The following PRTFDC1 variants were observed in gnomAD, a reference collection of about 807,000 sequenced individuals.
PRTFDC1 encodes phosphoribosyl transferase domain containing 1, also known as phosphoribosyltransferase domain-containing protein 1.
PRTFDC1 carries 38 observed loss-of-function variants against 34.6 expected under a neutral mutation model. The ratio of observed to expected loss-of-function variants is 1.10; its 90% confidence interval spans 0.85 to 1.44. The LOEUF (loss-of-function observed/expected upper bound fraction) is 1.44, where lower values mean the gene tolerates loss of function less well. PRTFDC1 is among the 40% of genes most tolerant of loss of function. The probability of loss-of-function intolerance (pLI) is 0.00; values close to 1 mark genes in which losing one functional copy is unlikely to be tolerated. For missense variants in PRTFDC1, 270 were observed against 283.0 expected (o/e 0.95, Z 0.33); for synonymous variants, 93 against 98.1 (o/e 0.95, Z 0.31).
chr10:24,873,908 C>CTTTTT (rs77144373), intron 3 of PRTFDC1, among the ~76,000 whole-genome samples: 1 of 140,020 alleles, frequency 7.1e-6, no homozygotes. Flanking sequence ...AATTTTTTAC[C>CTTTTT]TTTTTTTTTT....
intron 3 of PRTFDC1, among the ~76,000 whole-genome samples, chr10:24,896,239 A>G (rs963315565): frequency 7.9e-5 from 12 of 152,222 alleles, no homozygotes; most frequent in African/African-American, 2.7e-4. Flanking sequence ...CAGCGGGGGC[A>G]TGAGATTCTC....
At chr10:24,937,716 C>A (rs1849078075) in intron 2 of PRTFDC1, among the ~76,000 whole-genome samples, 1 of 151,968 alleles carries the variant, frequency 6.6e-6, no homozygotes, top group Admixed American at 6.6e-5. Flanking sequence ...TGCCACTATG[C>A]TCAGCTAATT....
intron 3 of PRTFDC1, among the ~76,000 whole-genome samples, chr10:24,888,925 G>A (rs1290854573): frequency 6.6e-6 from 1 of 152,060 alleles, no homozygotes; most frequent in African/African-American, 2.4e-5. Context: ...TTACTTTCTG[G>A]GAAACTGTGG....
chr10:24,896,329 T>C (rs532972179), intron 3 of PRTFDC1, among the ~76,000 whole-genome samples: 2 of 152,284 alleles, frequency 1.3e-5, no homozygotes, highest in East Asian at 3.9e-4. Flanking sequence ...AACTAATGCC[T>C]GATGATCTGA....
At chr10:24,917,770 T>C (rs1034111352) in intron 3 of PRTFDC1, among the ~76,000 whole-genome samples, 1 of 152,106 alleles carries the variant, frequency 6.6e-6, no homozygotes, top group Admixed American at 6.5e-5. Context: ...CCAAATGCAA[T>C]AGATGGAGGT....
chr10:24,921,103 A>C (rs933266811), intron 3 of PRTFDC1, among the ~76,000 whole-genome samples: 11 of 151,454 alleles, frequency 7.3e-5, no homozygotes, highest in Non-Finnish European at 1.3e-4. Flanking sequence ...TAAAAAAAAA[A>C]CAAAAAAACA....
intron 7 of PRTFDC1, among the ~76,000 whole-genome samples, chr10:24,854,952 G>A (rs1223541964): frequency 6.6e-6 from 1 of 152,162 alleles, no homozygotes; most frequent in African/African-American, 2.4e-5. Context: ...AGGCCAAGGC[G>A]GGGATCCTAT....
intron 3 of PRTFDC1, among the ~76,000 whole-genome samples, chr10:24,896,945 C>T (rs1055345771): frequency 3.3e-5 from 5 of 152,090 alleles, no homozygotes; most frequent in Admixed American, 6.6e-5. Context: ...TGTGGTGGTG[C>T]GAGTCCGTGG....
At chr10:24,900,077 C>A (rs1848425226) in intron 3 of PRTFDC1, among the ~76,000 whole-genome samples, 1 of 152,206 alleles carries the variant, frequency 6.6e-6, no homozygotes, top group African/African-American at 2.4e-5. Flanking sequence ...AAAACTTAAG[C>A]TATTCCATCA....
Position 24,903,392 on chromosome 10 carries a change from C to T in PRTFDC1, c.340-31329G>A, listed in dbSNP as rs1588604190. Reference sequence around the variant, plus strand: ...GGTAATGATTATACACAAGGTTGTTCGCTTGGTGGAAAATTCATTAAGCTG... The same window carrying T: ...GGTAATGATTATACACAAGGTTGTTTGCTTGGTGGAAAATTCATTAAGCTG... On this transcript the variant is annotated intron_variant, in intron 3 of 8. Transcript: ENST00000320152. 4.6e-5 allele frequency among the ~76,000 whole-genome samples: 7 copies of T among 152,208 alleles called. No homozygotes were observed. In the South Asian group the frequency reaches 1.2e-3, roughly 27 times the overall value.
intron 3 of PRTFDC1, among the ~76,000 whole-genome samples, chr10:24,926,497 C>T (rs765479743): frequency 4.6e-5 from 7 of 152,140 alleles, no homozygotes; most frequent in African/African-American, 1.2e-4. Context: ...TACAGGCGCC[C>T]GCCACCATAC....
chr10:24,911,683 T>A (rs1044269850), intron 3 of PRTFDC1, among the ~76,000 whole-genome samples: 4 of 151,614 alleles, frequency 2.6e-5, no homozygotes, highest in African/African-American at 9.7e-5. Flanking sequence ...CTGGCTAACA[T>A]GGTGAAACCC....
intron 3 of PRTFDC1, among the ~76,000 whole-genome samples, chr10:24,924,728 A>G (rs1210208931): frequency 6.6e-6 from 1 of 152,258 alleles, no homozygotes; most frequent in Non-Finnish European, 1.5e-5. Context: ...AATGCTCATC[A>G]TCACTGGTCA....
intron 3 of PRTFDC1, among the ~76,000 whole-genome samples, chr10:24,906,122 A>G (rs976306395): frequency 3.3e-5 from 5 of 152,132 alleles, no homozygotes; most frequent in Non-Finnish European, 7.3e-5. Context: ...CCTCCCATGC[A>G]TGGCGTGCTC....
Position 24,858,467 on chromosome 10 carries a change from ATACACATT to A in PRTFDC1, c.406-66_406-59del, listed in dbSNP as rs1303518328. ...GATGCCAATCTGACTCACAGGATAC[ATACACATT>A]TTTTTGCTTATAGTTAGAATTTCAC... is the stretch of plus-strand genomic sequence containing the variant. On this transcript the variant is annotated intron_variant, in intron 4 of 8. Coordinates refer to ENST00000320152, the MANE Select transcript of PRTFDC1 (RefSeq NM_020200.7). 1.9e-5 allele frequency: 29 copies of A among 1,565,766 alleles called. No homozygotes were observed. In the African/African-American group the frequency reaches 3.4e-4, roughly 18 times the overall value.
intron 3 of PRTFDC1, among the ~76,000 whole-genome samples, chr10:24,905,939 T>G (rs1848527822): frequency 6.6e-6 from 1 of 152,094 alleles, no homozygotes; most frequent in South Asian, 2.1e-4. Context: ...CCTTCTACTC[T>G]CTATCTCCAT....
chr10:24,905,595 G>T (rs1040281746), intron 3 of PRTFDC1, among the ~76,000 whole-genome samples: 1 of 152,046 alleles, frequency 6.6e-6, no homozygotes, highest in Non-Finnish European at 1.5e-5. Flanking sequence ...TTACAAGGGT[G>T]AGCCACCTTG....
intron 3 of PRTFDC1, among the ~76,000 whole-genome samples, chr10:24,904,669 T>C (rs149468005): frequency 9.3e-4 from 142 of 152,302 alleles, no homozygotes; most frequent in African/African-American, 3.3e-3. Flanking sequence ...TCTGAACTTC[T>C]AGGGATCTCT....
rs1367268174 is a variant in PRTFDC1 at position 24,849,716 on chromosome 10, T to C, written c.*128A>G. 3.8e-6 allele frequency: 3 copies of C among 786,974 alleles called. No homozygotes were observed. Among genetic ancestry groups the C allele is most frequent in the Non-Finnish European group, 4.2e-6 (2 of 471,862 alleles). 48.7% of individuals were successfully genotyped at this position (786,974 alleles called of 1,614,324 possible). On this transcript the variant is annotated 3_prime_UTR_variant, in exon 9 of 9. Coordinates refer to ENST00000320152, the MANE Select transcript of PRTFDC1 (RefSeq NM_020200.7). ...ACCTCAGAAAAGAAAGCTCTCTCAT[T>C]TGAACATTTTTTTCTTTTATATCCT...
Sources: allele counts gnomAD v4.1 joint callset (sites outside exome capture counted in the v4.1 genomes callset), GRCh38; gene constraint gnomAD v4.1.1; transcripts MANE v1.5; gene names NCBI Gene and HGNC (gene_info 2026-07-23, HGNC 2026-07-21).